Variants in SFRP4 observed in about 807,000 individuals in gnomAD.
The protein encoded by SFRP4 is secreted frizzled-related protein 4.
SFRP4 carries 25 observed loss-of-function variants against 36.3 expected under a neutral mutation model. That is an observed-to-expected ratio of 0.69 (90% confidence interval 0.50 to 0.96). The LOEUF (loss-of-function observed/expected upper bound fraction) is 0.96. Ranked by LOEUF, SFRP4 falls within the 40% of genes least tolerant of loss-of-function variation. The pLI is 0.00. For synonymous variants in SFRP4, 182 were observed against 168.8 expected (o/e 1.08, Z -0.60); for missense variants, 487 against 459.6 (o/e 1.06, Z -0.54).
rs1417442279 is a variant in SFRP4 at position 37,907,144 on chromosome 7, A to T, written c.*335T>A. On this transcript the variant is annotated 3_prime_UTR_variant, in exon 6 of 6. Transcript: ENST00000436072. ...GTTTGAAATATGGCATTTATTTTAC[A>T]ATGCACATATTAGGTCGAATTGTAA... is the stretch of plus-strand genomic sequence containing the variant. 1 of 185,122 alleles carries T rather than the reference A, an allele frequency of 5.4e-6. No individual in the cohort carries two copies. The highest frequency in any genetic ancestry group is 1.1e-5 in the Non-Finnish European group (1 of 90,608). The allele number at this position is 185,122 out of a possible 1,614,324, so 11.5% of individuals were successfully genotyped here. A position where few individuals can be genotyped will look rare whatever the true frequency, so the allele number is the denominator to read the frequency against.
rs1470380717 is a variant in SFRP4 at position 37,912,132 on chromosome 7, C to T, written c.778G>A (p.Glu260Lys). Reference protein sequence around the residue: ...PHQDVLIMCYEWRSRMMLLEN... With the variant: ...PHQDVLIMCYKWRSRMMLLEN... Reference sequence around the variant, plus strand: ...CTTTGTGCCTACCTTGAGCGCCACTCGTAACACATGATGAGAACATCTTGA... The same window carrying T: ...CTTTGTGCCTACCTTGAGCGCCACTTGTAACACATGATGAGAACATCTTGA... Residue 260 changes from glutamate (E) to lysine (K), a missense_variant, in exon 4 of 6, where the codon GAG (glutamate) becomes AAG (lysine). Glu to Lys is a moderately conservative substitution (Grantham distance 56). Coordinates refer to ENST00000436072, the MANE Select transcript of SFRP4 (RefSeq NM_003014.4). The T allele has an allele frequency of 1.4e-5, 23 of 1,613,946 alleles. No individual in the cohort carries two copies. Among genetic ancestry groups the T allele is most frequent in the East Asian group, 2.2e-5 (1 of 44,880 alleles).
At position 37,907,609 on chromosome 7, in the gene SFRP4, G is replaced by C. The variant is rs1407752621; in HGVS notation, c.911C>G (p.Thr304Arg). The change falls in exon 6 of 6, where the codon ACA (threonine) becomes AGA (arginine). Residue 304 changes from threonine to arginine, a missense_variant. Thr to Arg is a moderately conservative substitution (Grantham distance 71, BLOSUM62 -1). Coordinates refer to ENST00000436072, the MANE Select transcript of SFRP4 (RefSeq NM_003014.4). ...ATTACTACGACTGGTGCGCCCGGCT[G>C]TTTTCTTCTTGTCCTGAACTGTTCT... The part of the protein sequence containing the change: ...QRRTVQDKKK[T>R]AGRTSRSNPP... 5 of 1,613,686 alleles carry C rather than the reference G, an allele frequency of 3.1e-6. No homozygotes were observed. The highest frequency in any genetic ancestry group is 3.3e-5 in the Admixed American group (2 of 59,984).
chr7:37,909,224 G>T (rs1785443423), intron 5 of SFRP4, among the ~76,000 whole-genome samples: 1 of 152,120 alleles, frequency 6.6e-6, no homozygotes, highest in African/African-American at 2.4e-5. Flanking sequence ...GCTGTGTATA[G>T]TGATAGGGTA....
In SFRP4 at chr7:37,916,664, A is replaced by G; in HGVS notation, c.-127T>C. ...GGGGCGCAGGAGAGTTTCTTCCCCC[A>G]AACTCCAGTCGGCAGCAAAGCGGGG... On this transcript the variant is annotated 5_prime_UTR_variant, in exon 1 of 6. Coordinates refer to ENST00000436072, the MANE Select transcript of SFRP4 (RefSeq NM_003014.4). This position sits in a 1 kb window ranked among gnomAD's most constrained non-coding sequence, Gnocchi z 4.1. 2 of 1,380,934 alleles carry G rather than the reference A, an allele frequency of 1.4e-6. No individual in the cohort carries two copies. Among genetic ancestry groups the G allele is most frequent in the Non-Finnish European group, 1.9e-6 (2 of 1,039,632 alleles). The allele number at this position is 1,380,934 out of a possible 1,614,324, so 85.5% of individuals were successfully genotyped here.
rs1435619802 is a variant in SFRP4 at position 37,907,391 on chromosome 7, G to A, written c.*88C>T. The A allele has an allele frequency of 1.3e-5, 14 of 1,108,962 alleles. No homozygotes were observed. The highest frequency in any genetic ancestry group is 1.8e-5 in the Non-Finnish European group (14 of 761,712). The allele number at this position is 1,108,962 out of a possible 1,614,324, so 68.7% of individuals were successfully genotyped here. On this transcript the variant is annotated 3_prime_UTR_variant, in exon 6 of 6. Coordinates refer to ENST00000436072, the MANE Select transcript of SFRP4 (RefSeq NM_003014.4). Reference sequence around the variant, plus strand: ...CTGCAGTGAGTTGTTAGGGCAAGGGGCACATGGCCTTACATAGGCTGTCCC... The same window carrying A: ...CTGCAGTGAGTTGTTAGGGCAAGGGACACATGGCCTTACATAGGCTGTCCC...
intron 3 of SFRP4, 24 bp from the exon 4 acceptor site, chr7:37,912,341 G>A: frequency 6.2e-7 from 1 of 1,601,028 alleles, no homozygotes; most frequent in Non-Finnish European, 8.6e-7. Context: ...ATAGATAAAA[G>A]TGTTGTTGAA....
intron 4 of SFRP4, chr7:37,909,889 A>G: frequency 3.0e-6 from 1 of 328,376 alleles, no homozygotes. Flanking sequence ...TGATCTGCTG[A>G]TCTGCAAATT....
Position 37,912,170 on chromosome 7 carries a change from TGTGGACACTGG to T in SFRP4, c.729_739del (p.Cys243Ter). ...GAGAACATCTTGATGGGGCAGGATG[TGTGGACACTGG>T]CAAGAAGAATTTGTAATGAGCGGGA... On this transcript the variant is annotated stop_gained and frameshift_variant, in exon 4 of 6. Coordinates refer to ENST00000436072, the MANE Select transcript of SFRP4 (RefSeq NM_003014.4). LOFTEE classifies it high-confidence loss of function. The T allele has an allele frequency of 6.2e-7, 1 of 1,614,204 alleles. No homozygotes were observed. Among genetic ancestry groups the T allele is most frequent in the Non-Finnish European group, 8.5e-7 (1 of 1,180,028 alleles).
At position 37,906,192 on chromosome 7, in the gene SFRP4, T is replaced by C. The variant is rs769501048; in HGVS notation, c.*1287A>G. 6.6e-6 allele frequency: 1 copy of C among 152,306 alleles called. No individual in the cohort carries two copies. The highest frequency in any genetic ancestry group is 1.5e-5 in the Non-Finnish European group (1 of 68,028). 9.4% of individuals were successfully genotyped at this position (152,306 alleles called of 1,614,324 possible). A position where few individuals can be genotyped will look rare whatever the true frequency, so the allele number is the denominator to read the frequency against. The stretch of plus-strand genomic sequence containing the variant: ...AAGTGCATAAGAAACACCTGGAGAA[T>C]AATATGCCAAAATACTAATAGTGAT... On this transcript the variant is annotated 3_prime_UTR_variant, in exon 6 of 6. Coordinates refer to ENST00000436072, the MANE Select transcript of SFRP4 (RefSeq NM_003014.4).
At position 37,916,582 on chromosome 7, in the gene SFRP4, C is replaced by T. The variant is rs917578164; in HGVS notation, c.-45G>A. 2 of 1,574,616 alleles carry T rather than the reference C, an allele frequency of 1.3e-6. No individual in the cohort carries two copies. The highest frequency in any genetic ancestry group is 3.5e-5 in the Admixed American group (2 of 57,662). ...GCGACCCCGGCAGACAGAAAGCGCC[C>T]TTCTCTTCCTGCCACCCTCATCTTT... On this transcript the variant is annotated 5_prime_UTR_variant, in exon 1 of 6. Transcript: ENST00000436072. This position sits in a 1 kb window ranked among gnomAD's most constrained non-coding sequence, Gnocchi z 4.1.
chr7:37,907,927 A>G (rs1034156910), intron 5 of SFRP4, among the ~76,000 whole-genome samples: 22 of 152,198 alleles, frequency 1.4e-4, no homozygotes. Context: ...AAACAAGCCC[A>G]AAGAGGTTAT....
At chr7:37,908,353 A>G (rs1562848900) in intron 5 of SFRP4, among the ~76,000 whole-genome samples, 1 of 152,236 alleles carries the variant, frequency 6.6e-6, no homozygotes, top group Non-Finnish European at 1.5e-5. Context: ...ATATTAACGC[A>G]GATGTGCCTG....
At chr7:37,913,964 A>G (rs1785534004) in intron 3 of SFRP4, among the ~76,000 whole-genome samples, 1 of 152,214 alleles carries the variant, frequency 6.6e-6, no homozygotes, top group Non-Finnish European at 1.5e-5. Flanking sequence ...CAAATTTTCA[A>G]TCTGATGCAT....
In SFRP4 at chr7:37,909,624, C is replaced by A; in HGVS notation, c.848G>T (p.Arg283Ile). The A allele has an allele frequency of 1.3e-6, 2 of 1,562,754 alleles. No homozygotes were observed. The highest frequency in any genetic ancestry group is 1.2e-5 in the South Asian group (1 of 82,382). ...ATTGTTCATGATACTTACTATGGAT[C>A]TTTTACTAAGCTGATCTCTCCATTT... ...VEKWRDQLSK[R>I]SIQWEERLQE... The change falls in exon 5 of 6, where the codon AGA (arginine) becomes ATA (isoleucine). Residue 283 changes from arginine (R) to isoleucine (I), a missense_variant. Transcript: ENST00000436072.
chr7:37,916,477 C>G lies in SFRP4; in HGVS notation c.61G>C (p.Gly21Arg). ...LWLHLALGVR[G>R]APCEAVRIPM... ...ATGCGCACCGCCTCGCAGGGCGCGC[C>G]GCGCACGCCCAGCGCCAGGTGCAGC... Residue 21 changes from glycine (G) to arginine (R), a missense_variant, in exon 1 of 6, where the codon GGC becomes CGC. Physicochemically the swap from Gly to Arg is moderately radical, Grantham distance 125. Coordinates refer to ENST00000436072, the MANE Select transcript of SFRP4 (RefSeq NM_003014.4). The surrounding 1 kb of genome is among the most constrained non-coding windows in gnomAD (Gnocchi z 4.1). 3 of 1,612,674 alleles carry G rather than the reference C, an allele frequency of 1.9e-6. No individual in the cohort carries two copies. The highest frequency in any genetic ancestry group is 1.1e-5 in the South Asian group (1 of 91,008).
chr7:37,916,380 T>C lies in SFRP4; in HGVS notation c.158A>G (p.Asn53Ser). The change falls in exon 1 of 6, where the codon AAC becomes AGC. Residue 53 changes from asparagine to serine, a missense_variant. Physicochemically the swap from Asn to Ser is conservative, Grantham distance 46. Transcript: ENST00000436072. This position sits in a 1 kb window ranked among gnomAD's most constrained non-coding sequence, Gnocchi z 4.1. ...GTACTGCTCGATGGCCAGGATGGCG[T>C]TCTCCTGCGTGCTGTGGTGCAGGTG... Reference protein sequence around the residue: ...PNHLHHSTQENAILAIEQYEE... With the variant: ...PNHLHHSTQESAILAIEQYEE... 1.2e-6 allele frequency: 2 copies of C among 1,614,170 alleles called. No individual in the cohort carries two copies. Among genetic ancestry groups the C allele is most frequent in the Non-Finnish European group, 1.7e-6 (2 of 1,180,016 alleles).
rs1785411853 is a variant in SFRP4 at position 37,907,360 on chromosome 7, A to G, written c.*119T>C. The G allele has an allele frequency of 1.3e-6, 1 of 747,128 alleles. No homozygotes were observed. The highest frequency in any genetic ancestry group is 2.6e-5 in the East Asian group (1 of 39,090). The allele number at this position is 747,128 out of a possible 1,614,324, so 46.3% of individuals were successfully genotyped here. ...AAAATGCTGCAAGATGTGTCTATGA[A>G]GAGCACTGCAGTGAGTTGTTAGGGC... is the stretch of plus-strand genomic sequence containing the variant. On this transcript the variant is annotated 3_prime_UTR_variant, in exon 6 of 6. Coordinates refer to ENST00000436072, the MANE Select transcript of SFRP4 (RefSeq NM_003014.4).
intron 5 of SFRP4, among the ~76,000 whole-genome samples, chr7:37,908,372 G>T (rs1313831308): frequency 2.0e-5 from 3 of 152,190 alleles, no homozygotes; most frequent in Non-Finnish European, 4.4e-5. Flanking sequence ...TGCTTGGCTA[G>T]AGTCTATTTC....
Position 37,912,299 on chromosome 7 carries a change from T to G in SFRP4, c.611A>C (p.Lys204Thr). The change falls in exon 4 of 6, where the codon AAA (lysine) becomes ACA (threonine). Residue 204 changes from lysine (K) to threonine (T), a missense_variant. Lys to Thr is a moderately conservative substitution (Grantham distance 78). Coordinates refer to ENST00000436072, the MANE Select transcript of SFRP4 (RefSeq NM_003014.4). ...NYSYVIHAKI[K>T]AVQRSGCNEV... ...ATTGCAGCCACTCCTCTGCACAGCT[T>G]TTATTTTGGCATGAATAACTGCAAT... 1 of 1,613,856 alleles carries G rather than the reference T, an allele frequency of 6.2e-7. No individual in the cohort carries two copies. The highest frequency in any genetic ancestry group is 8.5e-7 in the Non-Finnish European group (1 of 1,179,760).
Sources: allele counts gnomAD v4.1 joint callset (sites outside exome capture counted in the v4.1 genomes callset), GRCh38; gene constraint gnomAD v4.1.1; non-coding constraint Gnocchi (gnomAD v3.1); transcripts MANE v1.5; gene names NCBI Gene and HGNC (gene_info 2026-07-23, HGNC 2026-07-21).